MTFR2: variants seen among roughly 807,000 people sequenced by gnomAD.
MTFR2 encodes mitochondrial fission regulator 2.
A neutral mutation model predicts 41.2 loss-of-function variants in MTFR2; 44 were observed. The ratio of observed to expected loss-of-function variants is 1.07; its 90% CI spans 0.84 to 1.37. The LOEUF (loss-of-function observed/expected upper bound fraction) is 1.37. Among genes scored for constraint, MTFR2 ranks in the 40% most tolerant of loss-of-function variants. MTFR2 has a pLI of 0.00. For synonymous variants in MTFR2, 141 were observed against 154.6 expected (o/e 0.91, Z 0.65); for missense variants, 452 against 459.5 (o/e 0.98, Z 0.15).
intron 3 of MTFR2, among the ~76,000 whole-genome samples, 155 bp downstream of exon 3, chr6:136,244,610 A>G (rs1413967644): frequency 2.0e-5 from 3 of 152,214 alleles, no homozygotes; most frequent in Admixed American, 6.5e-5. Flanking sequence ...ACAAAAACAC[A>G]AAAACATATA....
intron 4 of MTFR2, among the ~76,000 whole-genome samples, 199 bp from the exon 5 acceptor site, chr6:136,241,875 G>A (rs1009746644): frequency 1.3e-5 from 2 of 151,752 alleles, no homozygotes; most frequent in African/African-American, 2.4e-5. Context: ...CCAGGAGTTC[G>A]AGACCAGCCT....
Position 136,244,370 on chromosome 6 carries a change from C to T in MTFR2, c.168+395G>A, listed in dbSNP as rs145633759. Among the ~76,000 whole-genome samples the T allele has an allele frequency of 1.3e-3, 199 of 152,294 alleles. 1 individual carries two copies. Among genetic ancestry groups the T allele is most frequent in the African/African-American group, 3.6e-3 (148 of 41,570 alleles). The stretch of plus-strand genomic sequence containing the variant: ...CTATGTTTAGACACACAAACACTTA[C>T]CATTGTGTAACAACTGCCTACAGTA... On this transcript the variant is annotated intron_variant, in intron 3 of 7. Coordinates refer to ENST00000420702, the MANE Select transcript of MTFR2 (RefSeq NM_001099286.3).
intron 6 of MTFR2, among the ~76,000 whole-genome samples, chr6:136,237,277 C>T (rs866506982): frequency 6.6e-6 from 1 of 152,122 alleles, no homozygotes; most frequent in Non-Finnish European, 1.5e-5. Flanking sequence ...AAAGAACATG[C>T]GATCAGCTTT....
intron 6 of MTFR2, among the ~76,000 whole-genome samples, chr6:136,236,916 A>G (rs1779921868): frequency 6.6e-6 from 1 of 152,244 alleles, no homozygotes. Flanking sequence ...CCACAAGGAC[A>G]AAGAGATTAG....
rs779266841 is a variant in MTFR2, at chr6:136,233,313, A to T, written c.1044+12T>A. 7 of 1,606,476 alleles carry T rather than the reference A, an allele frequency of 4.4e-6. No homozygotes were observed. In the East Asian group the frequency reaches 1.6e-4, roughly 36 times the overall value. ...AAAACTGAAAAATTAATTTTACATT[A>T]GTGTAGCTTACCCTTGAAGTTTCTG... On this transcript the variant is annotated intron_variant, in intron 7 of 7. Coordinates refer to ENST00000420702, the MANE Select transcript of MTFR2 (RefSeq NM_001099286.3).
chr6:136,235,965 A>T (rs1435318872), intron 6 of MTFR2, among the ~76,000 whole-genome samples: 2 of 151,942 alleles, frequency 1.3e-5, no homozygotes, highest in Non-Finnish European at 2.9e-5. Flanking sequence ...GGAGGTGGGG[A>T]CCATAGGCTG....
rs1436059717 is a variant in MTFR2, at chr6:136,250,246, T to A, written c.-325A>T. 1 of 152,890 alleles carries A rather than the reference T, an allele frequency of 6.5e-6. No homozygotes were observed. The highest frequency in any genetic ancestry group is 2.4e-5 in the African/African-American group (1 of 41,446). The allele number at this position is 152,890 out of a possible 1,614,324, so 9.5% of individuals were successfully genotyped here. ...TATGGGAAGCGCGCCCCCGTCCTCC[T>A]GCGCCCAACCAACCCACCTGCTAGT... On this transcript the variant is annotated 5_prime_UTR_variant, in exon 1 of 8. Coordinates refer to ENST00000420702, the MANE Select transcript of MTFR2 (RefSeq NM_001099286.3).
Position 136,239,663 on chromosome 6 carries a change from C to T in MTFR2, c.672G>A (p.Pro224=), listed in dbSNP as rs1033785698. Residue 224 remains proline, a synonymous_variant, in exon 6 of 8, where the codon CCG becomes CCA. Coordinates refer to ENST00000420702, the MANE Select transcript of MTFR2 (RefSeq NM_001099286.3). ...ATCCTGGTTGTACGGGAGGAAAACA[C>T]GGTGGCTGGAGAGATGAAAACTGAG... The part of the protein sequence containing the change: ...LPPQFSSLQP[P]CFPPVQPGSN... The T allele has an allele frequency of 4.6e-5, 75 of 1,613,750 alleles. No homozygotes were observed. The highest frequency in any genetic ancestry group is 1.6e-4 in the Middle Eastern group (1 of 6,084).
At chr6:136,246,033 A>G (rs2128459374) in intron 2 of MTFR2, among the ~76,000 whole-genome samples, 1 of 152,270 alleles carries the variant, frequency 6.6e-6, no homozygotes, top group South Asian at 2.1e-4. Context: ...TTGAGCATTT[A>G]TATTTAAAGT....
In MTFR2 at chr6:136,236,279, T is replaced by C. The variant is rs190365552; in HGVS notation, c.870-2780A>G. Among the ~76,000 whole-genome samples the C allele has an allele frequency of 4.5e-4, 68 of 151,944 alleles. 1 individual carries two copies. Among genetic ancestry groups the C allele is most frequent in the Non-Finnish European group, 6.8e-4 (46 of 67,996 alleles). On this transcript the variant is annotated intron_variant, in intron 6 of 7. Coordinates refer to ENST00000420702, the MANE Select transcript of MTFR2 (RefSeq NM_001099286.3). Reference sequence around the variant, plus strand: ...AAGGGCTCATTTTAAGTGAAATCCTTGTGAAGAGGAAAGAGAAGGGAAACC... The same window carrying C: ...AAGGGCTCATTTTAAGTGAAATCCTCGTGAAGAGGAAAGAGAAGGGAAACC...
At chr6:136,245,587 A>G (rs1402260041) in intron 2 of MTFR2, among the ~76,000 whole-genome samples, 1 of 152,188 alleles carries the variant, frequency 6.6e-6, no homozygotes, top group Non-Finnish European at 1.5e-5. Flanking sequence ...GTAGCCACCT[A>G]TTAGCATCCT....
Position 136,241,542 on chromosome 6 carries a change from A to C in MTFR2, c.416T>G (p.Ile139Ser). The change falls in exon 5 of 8, where the codon ATT becomes AGT. Residue 139 changes from isoleucine (I) to serine (S), a missense_variant. Coordinates refer to ENST00000420702, the MANE Select transcript of MTFR2 (RefSeq NM_001099286.3). The part of the protein sequence containing the change: ...KNDLPVNEAA[I>S]RKIAALENEL... ...ATTTTCAAGGGCAGCTATTTTTCTA[A>C]TTGCAGCTTCATTTACAGGCAGGTC... The C allele has an allele frequency of 6.2e-7, 1 of 1,614,152 alleles. No individual in the cohort carries two copies. The highest frequency in any genetic ancestry group is 1.1e-5 in the South Asian group (1 of 91,084).
chr6:136,243,405 T>C (rs1448934342), intron 3 of MTFR2, among the ~76,000 whole-genome samples: 1 of 152,142 alleles, frequency 6.6e-6, no homozygotes. Flanking sequence ...GTGTATTCCT[T>C]CTACTTAAAA....
intron 2 of MTFR2, 34 bp downstream of exon 2, chr6:136,249,003 C>T: frequency 6.4e-7 from 1 of 1,559,756 alleles, no homozygotes; most frequent in Non-Finnish European, 8.7e-7. Flanking sequence ...AGAACAAATA[C>T]AACAGATCCA....
chr6:136,248,518 T>C (rs539774444), intron 2 of MTFR2, among the ~76,000 whole-genome samples: 23 of 152,336 alleles, frequency 1.5e-4, no homozygotes, highest in African/African-American at 5.3e-4. Flanking sequence ...TTGCTACTCA[T>C]TTGCCTTCAG....
intron 5 of MTFR2, 140 bp from the exon 6 acceptor site, chr6:136,239,960 C>T: frequency 1.5e-6 from 1 of 652,142 alleles, no homozygotes; most frequent in Non-Finnish European, 2.6e-6. Flanking sequence ...GAGTGTCAAT[C>T]CCATCTGCTT....
intron 5 of MTFR2, 41 bp downstream of exon 5, chr6:136,241,403 G>A (rs1191561777): frequency 2.0e-6 from 3 of 1,527,208 alleles, no homozygotes; most frequent in Middle Eastern, 1.8e-4. Context: ...GCTATACCAT[G>A]AGTATCATCT....
At chr6:136,244,628 G>T in intron 3 of MTFR2, 137 bp downstream of exon 3, 1 of 626,568 alleles carries the variant, frequency 1.6e-6, no homozygotes, top group South Asian at 1.9e-5. Context: ...ATATGAAATG[G>T]CTTGTTCCCA....
intron 6 of MTFR2, among the ~76,000 whole-genome samples, chr6:136,234,920 C>T (rs980605582): frequency 3.9e-5 from 6 of 152,122 alleles, no homozygotes; most frequent in African/African-American, 1.2e-4. Context: ...TTTTTTGAGA[C>T]GGAGTCTCGC....
Sources: allele counts gnomAD v4.1 joint callset (sites outside exome capture counted in the v4.1 genomes callset), GRCh38; gene constraint gnomAD v4.1.1; transcripts MANE v1.5; gene names NCBI Gene and HGNC (gene_info 2026-07-23, HGNC 2026-07-21).